SYK: variants seen among roughly 807,000 people sequenced by gnomAD.
SYK encodes the protein spleen associated tyrosine kinase.
In SYK, 16 loss-of-function variants were observed where a neutral mutation model predicts 77.8. That is an observed-to-expected ratio of 0.21 (90% CI 0.14 to 0.31). SYK has a LOEUF of 0.31. Among genes scored for constraint, SYK ranks in the 10% least tolerant of loss-of-function variants. SYK has a pLI of 1.00. For synonymous variants in SYK, 312 were observed against 308.7 expected (o/e 1.01, Z -0.11); for missense variants, 529 against 814.4 (o/e 0.65, Z 4.26).
chr9:90,865,125 T>A (rs2118804814), intron 6 of SYK, 28 bp downstream of exon 6: 1 of 1,606,262 alleles, frequency 6.2e-7, no homozygotes, highest in East Asian at 2.2e-5. Context: ...TACCACTGAA[T>A]GAGAAGCTGT....
At chr9:90,864,523 C>T (rs1171869632) in intron 4 of SYK, 66 bp from the exon 5 acceptor site, 6 of 1,400,016 alleles carry the variant, frequency 4.3e-6, no homozygotes, top group Non-Finnish European at 6.1e-6. Context: ...GTCAGTAGCT[C>T]TCAGTCACTA....
At chr9:90,814,529 C>T (rs560209439) in intron 1 of SYK, among the ~76,000 whole-genome samples, 1 of 152,154 alleles carries the variant, frequency 6.6e-6, no homozygotes, top group Non-Finnish European at 1.5e-5. Flanking sequence ...GTCTGCCAGA[C>T]ACCAAGCTGC....
chr9:90,843,795 T>C, intron 1 of SYK, 63 bp from the exon 2 acceptor site: 1 of 1,316,588 alleles, frequency 7.6e-7, no homozygotes. Context: ...TTTGAGTGGT[T>C]TTAGCAAACG....
chr9:90,803,365 T>C (rs1326646674), intron 1 of SYK, among the ~76,000 whole-genome samples: 1 of 152,092 alleles, frequency 6.6e-6, no homozygotes, highest in Non-Finnish European at 1.5e-5. Context: ...AAAGAGATTT[T>C]TCTACTGAGG....
chr9:90,815,993 CTG>C (rs1234725263), intron 1 of SYK, among the ~76,000 whole-genome samples: 12 of 152,250 alleles, frequency 7.9e-5, no homozygotes, highest in Admixed American at 5.2e-4. Flanking sequence ...AAAGAGCACT[CTG>C]TGTGATCCTA....
intron 2 of SYK, 103 bp from the exon 3 acceptor site, chr9:90,845,331 C>A: frequency 3.2e-6 from 4 of 1,264,228 alleles, no homozygotes; most frequent in South Asian, 3.0e-5. Flanking sequence ...AAGTTTTGAT[C>A]CTGTTTTACC....
intron 7 of SYK, among the ~76,000 whole-genome samples, chr9:90,872,215 T>C (rs1490825663): frequency 6.6e-6 from 1 of 152,138 alleles, no homozygotes; most frequent in Admixed American, 6.5e-5. Flanking sequence ...GAACATTCTG[T>C]GAGGTAGAGA....
At chr9:90,850,978 G>C (rs1268600035) in intron 3 of SYK, among the ~76,000 whole-genome samples, 1 of 152,164 alleles carries the variant, frequency 6.6e-6, no homozygotes, top group Non-Finnish European at 1.5e-5. Context: ...TCGGATCCCA[G>C]TTTTCTCTCC....
intron 1 of SYK, among the ~76,000 whole-genome samples, chr9:90,802,814 G>GCAAAAAAAAAAAAA (rs1299911964): frequency 5.7e-4 from 1 of 1,762 alleles, no homozygotes; most frequent in South Asian, 0.019. Context: ...GCAGCGTGTA[G>GCAAAAAAAAAAAAA]TAAAAAAAAA....
chr9:90,864,909 C>G (rs746508265), intron 5 of SYK, 139 bp from the exon 6 acceptor site: 2 of 870,068 alleles, frequency 2.3e-6, no homozygotes, highest in South Asian at 1.6e-5. Flanking sequence ...AAAAGAGGGT[C>G]GAAAGAAGTA....
At chr9:90,870,975 AC>A (rs1827707562) in intron 7 of SYK, among the ~76,000 whole-genome samples, 1 of 152,232 alleles carries the variant, frequency 6.6e-6, no homozygotes, top group Admixed American at 6.5e-5. Flanking sequence ...TATCAGTTCC[AC>A]AGACCAATAA....
chr9:90,852,028 C>T (rs1826842685), intron 3 of SYK, among the ~76,000 whole-genome samples: 1 of 152,186 alleles, frequency 6.6e-6, no homozygotes, highest in Admixed American at 6.5e-5. Context: ...GTCTCTATAA[C>T]ACCTTTTGTT....
chr9:90,813,527 C>G (rs1825174919), intron 1 of SYK, among the ~76,000 whole-genome samples: 2 of 152,180 alleles, frequency 1.3e-5, no homozygotes, highest in East Asian at 3.8e-4. Context: ...CCATCCTTCA[C>G]TGGAACTGCT....
At chr9:90,833,506 G>A (rs1363213666) in intron 1 of SYK, among the ~76,000 whole-genome samples, 2 of 152,204 alleles carry the variant, frequency 1.3e-5, no homozygotes, top group African/African-American at 2.4e-5. Flanking sequence ...CTGTTCCTCT[G>A]TAGGGGATGA....
At chr9:90,887,056 G>A (rs1564124940) in intron 11 of SYK, among the ~76,000 whole-genome samples, 2 of 152,192 alleles carry the variant, frequency 1.3e-5, no homozygotes, top group Non-Finnish European at 2.9e-5. Flanking sequence ...ATGAAGTAAT[G>A]TTACAAAGTC....
Position 90,855,697 on chromosome 9 carries a change from TGA to T in SYK, c.579-6488_579-6487del, listed in dbSNP as rs373151521. Among the ~76,000 whole-genome samples, 874 of 149,026 alleles carry T rather than the reference TGA, an allele frequency of 5.9e-3. 2 individuals carry two copies. Among genetic ancestry groups the T allele is most frequent in the African/African-American group, 0.018 (742 of 40,982 alleles). The stretch of plus-strand genomic sequence containing the variant: ...GTGTGTGTGTGTGTGTGGGTGTGTG[TGA>T]GAGAGAGAGAGAGAGAGAGACAGAC... On this transcript the variant is annotated intron_variant, in intron 3 of 13. Transcript: ENST00000375754.
chr9:90,884,875 A>AATGTGTG lies in SYK; in HGVS notation c.1582-2874_1582-2873insATGTGTG, dbSNP rs1340765784. On this transcript the variant is annotated intron_variant, in intron 11 of 13. Coordinates refer to ENST00000375754, the MANE Select transcript of SYK (RefSeq NM_003177.7). Reference sequence around the variant, plus strand: ...CATATGTGTGTATATACATATATACATATATACATATATATACATATGCAC... The same window carrying AATGTGTG: ...CATATGTGTGTATATACATATATACAATGTGTGTATATACATATATATACATATGCAC... 1.1e-4 allele frequency among the ~76,000 whole-genome samples: 2 copies of AATGTGTG among 18,006 alleles called. 1 individual carries two copies. The highest frequency in any genetic ancestry group is 8.8e-4 in the African/African-American group (2 of 2,262). The allele number at this position is 18,006 out of a possible 152,430, so 11.8% of individuals were successfully genotyped here.
intron 9 of SYK, 90 bp downstream of exon 9, chr9:90,874,939 A>T: frequency 7.0e-7 from 1 of 1,438,092 alleles, no homozygotes; most frequent in Non-Finnish European, 9.5e-7. Context: ...TGGCATGACT[A>T]AACCCTTTTT....
intron 3 of SYK, among the ~76,000 whole-genome samples, chr9:90,858,296 T>G (rs1254258213): frequency 6.6e-6 from 1 of 152,192 alleles, no homozygotes; most frequent in Non-Finnish European, 1.5e-5. Context: ...ATGCCGCAGG[T>G]CAAGGACTGT....
Sources: allele counts gnomAD v4.1 joint callset (sites outside exome capture counted in the v4.1 genomes callset), GRCh38; gene constraint gnomAD v4.1.1; transcripts MANE v1.5; gene names NCBI Gene and HGNC (gene_info 2026-07-23, HGNC 2026-07-21).